Variants in PAK4 observed in about 807,000 individuals in gnomAD.
The protein encoded by PAK4 is p21 (RAC1) activated kinase 4.
A neutral mutation model predicts 53.5 loss-of-function variants in PAK4; 49 were observed. The observed-to-expected ratio is 0.92, with a 90% confidence interval of 0.73 to 1.16. The LOEUF is 1.16. Among genes scored for constraint, PAK4 ranks in the 50% most tolerant of loss-of-function variants. The pLI is 0.00. For missense variants in PAK4, 824 were observed against 850.7 expected (o/e 0.97, Z 0.39); for synonymous variants, 376 against 375.6 (o/e 1.00, Z -0.01).
chr19:39,177,589 A>G, intron 7 of PAK4, 86 bp from the exon 9 acceptor site: 1 of 1,382,970 alleles, frequency 7.2e-7, no homozygotes, highest in South Asian at 1.5e-5. Flanking sequence ...AGGCAGAGAC[A>G]GCGCTGGAGC....
chr19:39,135,351 T>A (rs1257466245), intron 1 of PAK4: 1 of 95,304 alleles, frequency 1.0e-5, no homozygotes, highest in East Asian at 4.3e-4. Context: ...TTTTTTTTTT[T>A]TTGAGATGGA....
intron 2 of PAK4, 28 bp downstream of exon 3, chr19:39,169,785 C>A: frequency 6.6e-7 from 1 of 1,518,288 alleles, no homozygotes. Context: ...CCACCTCCCC[C>A]AGCCCACCCC....
intron 7 of PAK4, 35 bp from the exon 9 acceptor site, chr19:39,177,640 A>G (rs774189945): frequency 1.1e-5 from 17 of 1,594,184 alleles, no homozygotes; most frequent in Middle Eastern, 1.7e-4. Context: ...CCATCCCCCA[A>G]CAGCTCAGCC....
Position 39,173,565 on chromosome 19 carries a change from T to C in PAK4, c.664-11T>C. On this transcript the variant is annotated splice_polypyrimidine_tract_variant and intron_variant, in intron 3 of 8. Transcript: ENST00000358301. The surrounding 1 kb of genome is among the most constrained non-coding windows in gnomAD (Gnocchi z 6.9). ...CACCCATCACTGACAGCTACCTCTC[T>C]TCTGTTTCAGGGGGAGCCTCATGAC... 1 of 1,516,534 alleles carries C rather than the reference T, an allele frequency of 6.6e-7. No homozygotes were observed. Among genetic ancestry groups the C allele is most frequent in the South Asian group, 1.3e-5 (1 of 75,364 alleles). The allele number at this position is 1,516,534 out of a possible 1,614,324, so 93.9% of individuals were successfully genotyped here.
At chr19:39,142,713 C>T (rs906178774) in intron 1 of PAK4, among the ~76,000 whole-genome samples, 2 of 152,216 alleles carry the variant, frequency 1.3e-5, no homozygotes, top group Non-Finnish European at 1.5e-5. Flanking sequence ...CCTTCCGCAT[C>T]GCGTGGTGGT....
At chr19:39,148,244 G>A (rs2074036015) in intron 1 of PAK4, among the ~76,000 whole-genome samples, 1 of 150,934 alleles carries the variant, frequency 6.6e-6, no homozygotes, top group South Asian at 2.1e-4. Context: ...GAGCCACCGT[G>A]CCTGGCGAGA....
downstream of PAK4, chr19:39,180,350 A>G (rs1157024578): frequency 6.6e-6 from 1 of 152,254 alleles, no homozygotes; most frequent in Non-Finnish European, 1.5e-5. Context: ...TGGCAAAAGA[A>G]GAAATAGAAA....
intron 1 of PAK4, among the ~76,000 whole-genome samples, chr19:39,139,853 A>G (rs1251657605): frequency 6.6e-6 from 1 of 152,064 alleles, no homozygotes; most frequent in Non-Finnish European, 1.5e-5. Context: ...CGACTCTGAC[A>G]TGCTTCTGAG....
exon 2 of PAK4, chr19:39,169,612 G>A (rs768590496): frequency 2.5e-6 from 4 of 1,611,688 alleles, no homozygotes; most frequent in South Asian, 1.1e-5. Flanking sequence ...TTCGAGCACC[G>A]CGTGCACACG....
chr19:39,146,497 A>G (rs1012765260), intron 1 of PAK4, among the ~76,000 whole-genome samples: 1 of 152,212 alleles, frequency 6.6e-6, no homozygotes, highest in Non-Finnish European at 1.5e-5. Context: ...TTTTTAAGAA[A>G]ACTTTAAATT....
rs533770099 is a variant in PAK4 at position 39,160,807 on chromosome 19, G to A, written c.-22-8725G>A. ...TGTCTTCAGATTCCCTTCTAACCAC[G>A]GTGGCTTTTCTGGTCTTGGTCTGGT... On this transcript the variant is annotated intron_variant, in intron 1 of 8. Coordinates refer to ENST00000358301, the Ensembl canonical transcript of PAK4. Among the ~76,000 whole-genome samples, 112 of 152,316 alleles carry A rather than the reference G, an allele frequency of 7.4e-4. 1 individual carries two copies. Among genetic ancestry groups the A allele is most frequent in the African/African-American group, 2.6e-3 (108 of 41,554 alleles).
intron 1 of PAK4, among the ~76,000 whole-genome samples, chr19:39,163,586 A>C (rs535004146): frequency 6.6e-6 from 1 of 152,332 alleles, no homozygotes; most frequent in South Asian, 2.1e-4. Flanking sequence ...AGTGTCTGCT[A>C]GGCCAGGTCA....
At chr19:39,165,336 A>G (rs1428501545) in intron 1 of PAK4, among the ~76,000 whole-genome samples, 1 of 134,232 alleles carries the variant, frequency 7.4e-6, no homozygotes, top group East Asian at 2.1e-4. Flanking sequence ...CCCCATCTCT[A>G]CTAAAAATAC....
chr19:39,169,587 T>C, exon 2 of PAK4: 2 of 1,613,726 alleles, frequency 1.2e-6, no homozygotes, highest in Non-Finnish European at 1.7e-6. Context: ...GGTGGAGATC[T>C]CCGCGCCGTC....
intron 1 of PAK4, among the ~76,000 whole-genome samples, chr19:39,132,997 CTG>C (rs2073742534): frequency 6.6e-6 from 1 of 152,230 alleles, no homozygotes; most frequent in Admixed American, 6.5e-5. Context: ...GAAGGGGAAA[CTG>C]AGGCACAGGC....
rs746510604 is a variant in PAK4 at position 39,175,468 on chromosome 19, C to T, written c.1359+30C>T. The T allele has an allele frequency of 3.9e-5, 61 of 1,580,294 alleles. No homozygotes were observed. The highest frequency in any genetic ancestry group is 6.8e-5 in the East Asian group (3 of 43,942). The stretch of plus-strand genomic sequence containing the variant: ...GGGGACGGGCGGCGGGGTACGGGGG[C>T]GGCAGGTTTCCGGCTGCGGGGCTTC... On this transcript the variant is annotated intron_variant, in intron 6 of 8. Transcript: ENST00000358301. This position sits in a 1 kb window ranked among gnomAD's most constrained non-coding sequence, Gnocchi z 4.7.
At chr19:39,154,051 C>T (rs778315823) in intron 1 of PAK4, among the ~76,000 whole-genome samples, 11 of 152,180 alleles carry the variant, frequency 7.2e-5, no homozygotes, top group African/African-American at 2.4e-4. Context: ...CTTTGATGCT[C>T]ATCCACATGT....
At chr19:39,179,686 C>A (rs906390512), downstream of PAK4, 1 of 152,398 alleles carries the variant, frequency 6.6e-6, no homozygotes, top group African/African-American at 2.4e-5. Flanking sequence ...TTTCCTGGAA[C>A]CTTTTAAAGG....
In PAK4 at chr19:39,175,354, G is replaced by A; in HGVS notation, c.1275G>A (p.Leu425=). ...TCGCGGCCGTGTGCCTTGCAGTGCT[G>A]CAGGCCCTGTCGGTGCTCCACGCCC... Residue 425 remains leucine, a synonymous_variant, in exon 6 of 9, where the codon CTG becomes CTA. Transcript: ENST00000358301. The surrounding 1 kb of genome is among the most constrained non-coding windows in gnomAD (Gnocchi z 4.7). 6.2e-7 allele frequency: 1 copy of A among 1,602,802 alleles called. No homozygotes were observed. The highest frequency in any genetic ancestry group is 2.2e-5 in the East Asian group (1 of 44,496).
Sources: gnomAD v4.1 joint callset for allele counts (sites outside exome capture counted in the v4.1 genomes callset) on GRCh38, gnomAD v4.1.1 for gene constraint, Gnocchi (gnomAD v3.1) non-coding constraint, MANE v1.5 for transcripts, NCBI Gene and HGNC (gene_info 2026-07-23, HGNC 2026-07-21) for gene names.